Variants in TNFRSF10A observed in about 807,000 individuals in gnomAD.
The protein encoded by TNFRSF10A is tumor necrosis factor receptor superfamily member 10A.
A neutral mutation model predicts 42.8 loss-of-function variants in TNFRSF10A; 44 were observed. The observed-to-expected ratio is 1.03, with a 90% CI of 0.81 to 1.32. TNFRSF10A has a LOEUF of 1.32. Among genes scored for constraint, TNFRSF10A ranks in the 40% most tolerant of loss-of-function variants. The probability of loss-of-function intolerance (pLI) is 0.00; values close to 1 mark genes in which losing one functional copy is unlikely to be tolerated. For synonymous variants in TNFRSF10A, 259 were observed against 234.2 expected, an observed-to-expected ratio of 1.11 and a Z score of -0.97; for missense variants, 680 against 602.0, an observed-to-expected ratio of 1.13 and a Z score of -1.36.
rs1293002117 is a variant in TNFRSF10A, at chr8:23,201,897, G to T, written c.540C>A (p.Cys180Ter). Residue 180 changes from cysteine (C) to a stop codon, truncating the protein, a stop_gained, in exon 4 of 10, where the codon TGC (cysteine) becomes TGA (stop). Coordinates refer to ENST00000221132, the MANE Select transcript of TNFRSF10A (RefSeq NM_003844.4). LOFTEE classifies it high-confidence loss of function. ...GACATGCTGTGTTCCTGGTCGTGGTGCAGGGACTTCTCTCTTCTTCATCTG... is the reference window on the plus strand; with the variant it reads ...GACATGCTGTGTTCCTGGTCGTGGTTCAGGGACTTCTCTCTTCTTCATCTG... ...CKSDEEERSP[C>*]TTTRNTACQC... is the part of the protein sequence containing the mutation. 2 of 1,614,128 alleles carry T rather than the reference G, an allele frequency of 1.2e-6. No homozygotes were observed. Among genetic ancestry groups the T allele is most frequent in the Admixed American group, 3.3e-5 (2 of 60,018 alleles).
At chr8:23,195,754 G>A (rs941755033) in intron 9 of TNFRSF10A, among the ~76,000 whole-genome samples, 1 of 152,116 alleles carries the variant, frequency 6.6e-6, no homozygotes, top group Admixed American at 6.5e-5. Flanking sequence ...GAGAGATTGT[G>A]TTTCAGAAGA....
At chr8:23,222,107 G>C (rs1376288571) in intron 1 of TNFRSF10A, among the ~76,000 whole-genome samples, 1 of 152,102 alleles carries the variant, frequency 6.6e-6, no homozygotes, top group Non-Finnish European at 1.5e-5. Context: ...TGGATCTCCT[G>C]ACCTCGTGAT....
Position 23,191,581 on chromosome 8 carries a change from T to C in TNFRSF10A, c.*113A>G. 1.4e-6 allele frequency: 2 copies of C among 1,410,268 alleles called. No homozygotes were observed. The highest frequency in any genetic ancestry group is 3.1e-5 in the South Asian group (2 of 65,452). The allele number at this position is 1,410,268 out of a possible 1,614,324, so 87.4% of individuals were successfully genotyped here. ...TCCCAAAGTGCTGGGATTACAGGCA[T>C]GAGCCACTACACCTGGCTAAGAATT... On this transcript the variant is annotated 3_prime_UTR_variant, in exon 10 of 10. Transcript: ENST00000221132.
chr8:23,212,317 T>C lies in TNFRSF10A; in HGVS notation c.307-105A>G, dbSNP rs572321839. ...CCAAGCCTCCAAAATTAGACAGAAC[T>C]TGCATCTTTCTCCCAGTTCTAAAAC... On this transcript the variant is annotated intron_variant, in intron 1 of 9. Coordinates refer to ENST00000221132, the MANE Select transcript of TNFRSF10A (RefSeq NM_003844.4). 1.9e-5 allele frequency: 18 copies of C among 967,262 alleles called. No individual in the cohort carries two copies. In the East Asian group the frequency reaches 4.0e-4, roughly 21 times the overall value. 59.9% of individuals were successfully genotyped at this position (967,262 alleles called of 1,614,324 possible). A position where few individuals can be genotyped will look rare whatever the true frequency, so the allele number is the denominator to read the frequency against.
At chr8:23,199,848 G>A (rs773847187) in intron 7 of TNFRSF10A, 38 bp downstream of exon 7, 3 of 1,614,128 alleles carry the variant, frequency 1.9e-6, no homozygotes, top group Non-Finnish European at 2.5e-6. Flanking sequence ...CAGTTCCTGA[G>A]CCCCTGATGC....
intron 1 of TNFRSF10A, chr8:23,224,512 G>A (rs1801305399): frequency 1.8e-6 from 1 of 544,718 alleles, no homozygotes; most frequent in Non-Finnish European, 3.2e-6. Context: ...AGCAGCCAAC[G>A]GGGTGGAGTC....
At chr8:23,219,327 GC>G (rs1350355951) in intron 1 of TNFRSF10A, among the ~76,000 whole-genome samples, 7 of 148,366 alleles carry the variant, frequency 4.7e-5, no homozygotes, top group African/African-American at 1.2e-4. Context: ...TCAGCTCACC[GC>G]CTCAGGTCAC....
At chr8:23,223,308 G>A (rs112736091) in intron 1 of TNFRSF10A, among the ~76,000 whole-genome samples, 1 of 151,952 alleles carries the variant, frequency 6.6e-6, no homozygotes, top group Admixed American at 6.6e-5. Flanking sequence ...CTCGTGATCC[G>A]CCCGCCTCGG....
rs1211014983 is a variant in TNFRSF10A, at chr8:23,202,848, C to T, written c.404-87G>A. On this transcript the variant is annotated intron_variant, in intron 2 of 9. Transcript: ENST00000221132. ...GTGGCTAGGAAACTCTTCTTTTGGC[C>T]ATCAGTAGACCCCAGACAGAGAAAT... The T allele has an allele frequency of 3.5e-6, 3 of 855,118 alleles. No individual in the cohort carries two copies. In the East Asian group the frequency reaches 7.6e-5, roughly 22 times the overall value. The allele number at this position is 855,118 out of a possible 1,614,324, so 53.0% of individuals were successfully genotyped here.
At chr8:23,198,967 G>A (rs574110671) in intron 8 of TNFRSF10A, among the ~76,000 whole-genome samples, 40 of 152,218 alleles carry the variant, frequency 2.6e-4, no homozygotes, top group Non-Finnish European at 5.4e-4. Flanking sequence ...CCTAACTTCT[G>A]TAGGAGCACA....
At chr8:23,193,395 A>C (rs1378662543) in intron 9 of TNFRSF10A, among the ~76,000 whole-genome samples, 1 of 152,214 alleles carries the variant, frequency 6.6e-6, no homozygotes, top group Non-Finnish European at 1.5e-5. Context: ...TGCCTTTGAA[A>C]TTTGACATTT....
intron 1 of TNFRSF10A, among the ~76,000 whole-genome samples, chr8:23,221,760 CT>C (rs1801259494): frequency 1.3e-5 from 2 of 152,158 alleles, no homozygotes; most frequent in African/African-American, 4.8e-5. Flanking sequence ...TTGAAAATCT[CT>C]AATAACACTG....
intron 2 of TNFRSF10A, among the ~76,000 whole-genome samples, chr8:23,203,334 T>A (rs1416102094): frequency 6.6e-6 from 1 of 152,024 alleles, no homozygotes; most frequent in Middle Eastern, 3.2e-3. Flanking sequence ...AATACAGCGA[T>A]GAGGGGAAGG....
chr8:23,223,504 T>A (rs1416818212), intron 1 of TNFRSF10A, among the ~76,000 whole-genome samples: 1 of 152,256 alleles, frequency 6.6e-6, no homozygotes, highest in Non-Finnish European at 1.5e-5. Context: ...AGCCATTTAA[T>A]AAGCGTATTA....
In TNFRSF10A at chr8:23,194,959, G is replaced by C. The variant is rs149232425; in HGVS notation, c.1087+2173C>G. Among the ~76,000 whole-genome samples the C allele has an allele frequency of 4.0e-3, 613 of 152,286 alleles. 2 individuals are homozygous for C. The highest frequency in any genetic ancestry group is 0.014 in the African/African-American group (580 of 41,564). On this transcript the variant is annotated intron_variant, in intron 9 of 9. Transcript: ENST00000221132. The stretch of plus-strand genomic sequence containing the variant: ...CTATCACTTGAGGCCAGGAGTTTGA[G>C]ACCAGACTGGCCAACGTGGCAAAAC...
At chr8:23,206,590 T>C (rs1801015972) in intron 2 of TNFRSF10A, among the ~76,000 whole-genome samples, 1 of 152,198 alleles carries the variant, frequency 6.6e-6, no homozygotes, top group Non-Finnish European at 1.5e-5. Context: ...CATCTAGGTT[T>C]GTGGAGGTAC....
At chr8:23,199,742 C>A in intron 7 of TNFRSF10A, 144 bp downstream of exon 7, 1 of 1,159,190 alleles carries the variant, frequency 8.6e-7, no homozygotes, top group Admixed American at 1.9e-5. Context: ...CTGTGTCCCC[C>A]ATAGTCAATG....
At position 23,200,742 on chromosome 8, in the gene TNFRSF10A, G is replaced by T. The variant is rs777829066; in HGVS notation, c.648C>A (p.Val216=). 1 of 1,280,390 alleles carries T rather than the reference G, an allele frequency of 7.8e-7. No homozygotes were observed. Among genetic ancestry groups the T allele is most frequent in the South Asian group, 1.2e-5 (1 of 85,408 alleles). 79.3% of individuals were successfully genotyped at this position (1,280,390 alleles called of 1,614,324 possible). Residue 216 remains valine (V), a synonymous_variant, in exon 5 of 10, where the codon GTC becomes GTA. Coordinates refer to ENST00000221132, the MANE Select transcript of TNFRSF10A (RefSeq NM_003844.4). The stretch of plus-strand genomic sequence containing the variant: ...TCCAGGGCGTACAATCCTTGACCTT[G>T]ACCATCCCTCTGGGGCACCTGGGTA... ...KCSRGCPRGM[V]KVKDCTPWSD... is the part of the protein sequence containing the mutation.
chr8:23,217,342 C>T (rs1302428937), intron 1 of TNFRSF10A, among the ~76,000 whole-genome samples: 20 of 151,992 alleles, frequency 1.3e-4, no homozygotes, highest in Admixed American at 1.3e-3. Flanking sequence ...CAGCCCTCCC[C>T]AGTAGCTGAG....
Sources: allele counts gnomAD v4.1 joint callset (sites outside exome capture counted in the v4.1 genomes callset), GRCh38; gene constraint gnomAD v4.1.1; transcripts MANE v1.5; gene names NCBI Gene and HGNC (gene_info 2026-07-23, HGNC 2026-07-21).